Variants in CCDC175 observed in about 807,000 individuals in gnomAD.
CCDC175 encodes the protein coiled-coil domain-containing protein 175.
CCDC175 carries 100 observed loss-of-function variants against 114.6 expected under a neutral mutation model. The observed-to-expected ratio is 0.87, with a 90% CI of 0.74 to 1.03. CCDC175 has a LOEUF of 1.03. Ranked by LOEUF, CCDC175 falls within the 50% of genes least tolerant of loss-of-function variation. The pLI is 0.00. For synonymous variants in CCDC175, 306 were observed against 308.7 expected, an observed-to-expected ratio of 0.99 and a Z score of 0.09; for missense variants, 880 against 917.8, an observed-to-expected ratio of 0.96 and a Z score of 0.53.
Position 59,543,390 on chromosome 14 carries a change from T to A in CCDC175, c.1237A>T (p.Ile413Phe). ...ATGAGTCCTTCTTCCATATTTTTGATGTCTACTCTCTTTTGTGACAGAAAG... is the reference window on the plus strand; with the variant it reads ...ATGAGTCCTTCTTCCATATTTTTGAAGTCTACTCTCTTTTGTGACAGAAAG... The part of the protein sequence containing the change: ...EYFLSQKRVD[I>F]KNMEEGLITL... Residue 413 changes from isoleucine (I) to phenylalanine (F), a missense_variant, in exon 10 of 20, where the codon ATC (isoleucine) becomes TTC (phenylalanine). Transcript: ENST00000537690. 1.3e-6 allele frequency: 2 copies of A among 1,482,888 alleles called. No homozygotes were observed. Among genetic ancestry groups the A allele is most frequent in the Non-Finnish European group, 1.8e-6 (2 of 1,113,444 alleles). 91.9% of individuals were successfully genotyped at this position (1,482,888 alleles called of 1,614,324 possible).
rs571054503 is a variant in CCDC175 at position 59,561,661 on chromosome 14, G to T, written c.844-433C>A. ...TTGATATCTATGTTTGTGCTGAAAA[G>T]AATTTTTATTTCTTAATATTTAATC... On this transcript the variant is annotated intron_variant, in intron 6 of 19. Coordinates refer to ENST00000537690, the MANE Select transcript of CCDC175 (RefSeq NM_001164399.2). 9.2e-5 allele frequency among the ~76,000 whole-genome samples: 14 copies of T among 152,140 alleles called. 1 individual carries two copies. In the South Asian group the frequency reaches 2.9e-3, roughly 32 times the overall value.
chr14:59,570,638 G>T (rs1408130812), intron 3 of CCDC175, among the ~76,000 whole-genome samples: 1 of 152,180 alleles, frequency 6.6e-6, no homozygotes, highest in Non-Finnish European at 1.5e-5. Flanking sequence ...CTACATTGAG[G>T]CAAGGGAGCC....
At chr14:59,532,832 A>G (rs1442450224) in intron 13 of CCDC175, among the ~76,000 whole-genome samples, 1 of 152,192 alleles carries the variant, frequency 6.6e-6, no homozygotes, top group Non-Finnish European at 1.5e-5. Context: ...AAAGAGAAAC[A>G]AACATCTCTC....
At chr14:59,558,536 T>TTGGG (rs1896052981) in intron 7 of CCDC175, among the ~76,000 whole-genome samples, 1 of 151,894 alleles carries the variant, frequency 6.6e-6, no homozygotes. Flanking sequence ...TGAGTCAGGG[T>TTGGG]TGGGTAGTGA....
intron 17 of CCDC175, among the ~76,000 whole-genome samples, chr14:59,517,853 G>C (rs546007891): frequency 3.9e-4 from 60 of 152,166 alleles, no homozygotes; most frequent in African/African-American, 1.4e-3. Flanking sequence ...AAAAGAGCCC[G>C]CATCGCCAAG....
At chr14:59,554,644 A>T (rs1395233027) in intron 7 of CCDC175, among the ~76,000 whole-genome samples, 4 of 152,190 alleles carry the variant, frequency 2.6e-5, no homozygotes, top group Admixed American at 6.5e-5. Context: ...ATAGAGACAT[A>T]AAAAACCCTT....
At chr14:59,533,057 A>T (rs1257851501) in intron 13 of CCDC175, among the ~76,000 whole-genome samples, 1 of 152,230 alleles carries the variant, frequency 6.6e-6, no homozygotes, top group African/African-American at 2.4e-5. Context: ...TGCACAAGAC[A>T]GCAGACCAGT....
At position 59,505,277 on chromosome 14, in the gene CCDC175, C is replaced by CT; in HGVS notation, c.2343dup (p.Val782SerfsTer3). 4.6e-6 allele frequency: 7 copies of CT among 1,510,522 alleles called. No individual in the cohort carries two copies. Among genetic ancestry groups the CT allele is most frequent in the Non-Finnish European group, 6.2e-6 (7 of 1,128,982 alleles). 93.6% of individuals were successfully genotyped at this position (1,510,522 alleles called of 1,614,324 possible). A position where few individuals can be genotyped will look rare whatever the true frequency, so the allele number is the denominator to read the frequency against. ...GTATTTTTCTCAGTACATTTAACCA[C>CT]TGGGAAATGAACCCTTGTACGAATG... On this transcript the variant is annotated frameshift_variant, in exon 20 of 20. Coordinates refer to ENST00000537690, the MANE Select transcript of CCDC175 (RefSeq NM_001164399.2). LOFTEE classifies it low-confidence loss of function (END_TRUNC).
chr14:59,551,809 C>T (rs1284360882), intron 7 of CCDC175, among the ~76,000 whole-genome samples: 1 of 152,216 alleles, frequency 6.6e-6, no homozygotes, highest in East Asian at 1.9e-4. Flanking sequence ...AAACGGCACA[C>T]CAGGAGATTA....
At chr14:59,517,225 C>T (rs541433757) in intron 17 of CCDC175, among the ~76,000 whole-genome samples, 30 of 152,226 alleles carry the variant, frequency 2.0e-4, no homozygotes, top group Non-Finnish European at 4.1e-4. Context: ...ACTGAATGGG[C>T]AAAAACTGGA....
intron 10 of CCDC175, among the ~76,000 whole-genome samples, chr14:59,542,032 T>C (rs550352562): frequency 2.6e-5 from 4 of 152,338 alleles, no homozygotes; most frequent in African/African-American, 9.6e-5. Flanking sequence ...TCTGTTGGTA[T>C]GTGCTTGAAT....
intron 11 of CCDC175, among the ~76,000 whole-genome samples, chr14:59,539,395 T>A (rs927916365): frequency 2.0e-5 from 3 of 151,664 alleles, no homozygotes; most frequent in Non-Finnish European, 4.4e-5. Context: ...CTGCCCAACA[T>A]GGAGAAACCC....
Position 59,574,999 on chromosome 14 carries a change from A to G in CCDC175, c.187T>C (p.Cys63Arg), listed in dbSNP as rs1476915302. 3 of 1,516,408 alleles carry G rather than the reference A, an allele frequency of 2.0e-6. No homozygotes were observed. The highest frequency in any genetic ancestry group is 2.8e-5 in the African/African-American group (2 of 71,972). 93.9% of individuals were successfully genotyped at this position (1,516,408 alleles called of 1,614,324 possible). Residue 63 changes from cysteine to arginine, a missense_variant, in exon 2 of 20, where the codon TGT (cysteine) becomes CGT (arginine). Physicochemically the swap from Cys to Arg is radical, Grantham distance 180 (BLOSUM62 -3). Transcript: ENST00000537690. ...EQSLQSDYFK[C>R]NEEAKIFLKD... is the part of the protein sequence containing the mutation. ...AGAAAGATCTTAGCTTCTTCATTAC[A>G]TTTAAAATAGTCACTTTGCAGTGAT...
intron 1 of CCDC175, among the ~76,000 whole-genome samples, chr14:59,575,857 G>A (rs139797751): frequency 0.015 from 2,343 of 151,924 alleles, 25 homozygotes; most frequent in Non-Finnish European, 0.023. Context: ...TAAGAATTGT[G>A]AAATTAACCT....
At chr14:59,544,814 C>T (rs1382869527) in intron 9 of CCDC175, among the ~76,000 whole-genome samples, 1 of 152,002 alleles carries the variant, frequency 6.6e-6, no homozygotes, top group Non-Finnish European at 1.5e-5. Context: ...AGGGTGGGAC[C>T]TTATAAAAGA....
chr14:59,537,983 A>T (rs1467466527), intron 13 of CCDC175, 40 bp downstream of exon 13: 6 of 1,395,654 alleles, frequency 4.3e-6, no homozygotes, highest in Non-Finnish European at 5.8e-6. Context: ...CCCCTCATGT[A>T]GTCATCCAAA....
chr14:59,571,907 T>C (rs1283600185), intron 3 of CCDC175, among the ~76,000 whole-genome samples: 2 of 152,128 alleles, frequency 1.3e-5, no homozygotes, highest in Admixed American at 6.6e-5. Context: ...CCAAAGAACA[T>C]TTCCTTTGAG....
chr14:59,519,691 G>GT (rs1219834181), intron 17 of CCDC175, among the ~76,000 whole-genome samples: 5 of 152,194 alleles, frequency 3.3e-5, no homozygotes, highest in African/African-American at 1.2e-4. Flanking sequence ...CATTCCACAA[G>GT]TTTTTTTCCC....
chr14:59,575,536 G>A (rs1897065170), intron 1 of CCDC175, among the ~76,000 whole-genome samples: 1 of 131,226 alleles, frequency 7.6e-6, no homozygotes, highest in Non-Finnish European at 1.5e-5. Flanking sequence ...TTGAGACGGA[G>A]TCTCGCTCTG....
Sources: allele counts gnomAD v4.1 joint callset (sites outside exome capture counted in the v4.1 genomes callset), GRCh38; gene constraint gnomAD v4.1.1; transcripts MANE v1.5; gene names NCBI Gene and HGNC (gene_info 2026-07-23, HGNC 2026-07-21).